LRP1B: variants seen among roughly 807,000 people sequenced by gnomAD.
LRP1B encodes LDL receptor related protein 1B.
Under a neutral mutation model 556.6 loss-of-function variants are expected in LRP1B, and 217 were observed. The ratio of observed to expected loss-of-function variants is 0.39; its 90% CI spans 0.35 to 0.44. LRP1B has a LOEUF of 0.44. LRP1B is among the 20% of genes least tolerant of loss of function. The pLI is 1.00. For missense variants in LRP1B, 5,053 were observed against 5,620.8 expected, an observed-to-expected ratio of 0.90 and a Z score of 3.23; for synonymous variants, 2,047 against 1,865.8, an observed-to-expected ratio of 1.10 and a Z score of -2.50.
At chr2:141,925,124 T>C (rs1700298622) in intron 1 of LRP1B, among the ~76,000 whole-genome samples, 1 of 152,210 alleles carries the variant, frequency 6.6e-6, no homozygotes, top group African/African-American at 2.4e-5. Flanking sequence ...GGTTATTCCA[T>C]GTGATAGTCT....
At chr2:140,249,651 C>T (rs1022039804) in intron 86 of LRP1B, among the ~76,000 whole-genome samples, 1 of 151,610 alleles carries the variant, frequency 6.6e-6, no homozygotes, top group African/African-American at 2.4e-5. Flanking sequence ...GTTTTATGGC[C>T]AAAGATAAAA....
intron 3 of LRP1B, among the ~76,000 whole-genome samples, chr2:141,462,821 T>TATTG (rs1553517990): frequency 6.6e-6 from 1 of 151,922 alleles, no homozygotes; most frequent in Admixed American, 6.6e-5. Flanking sequence ...CAATAAAATA[T>TATTG]TTTAATTGAA....
chr2:142,027,051 C>T (rs1703531384), intron 1 of LRP1B, among the ~76,000 whole-genome samples: 1 of 151,892 alleles, frequency 6.6e-6, no homozygotes, highest in Admixed American at 6.6e-5. Flanking sequence ...GTAATTCAAC[C>T]AGATTGTGAA....
chr2:142,116,875 C>G (rs1381566352), intron 1 of LRP1B, among the ~76,000 whole-genome samples: 1 of 152,076 alleles, frequency 6.6e-6, no homozygotes, highest in Non-Finnish European at 1.5e-5. Context: ...CACAGCTTCC[C>G]AAGGAACAGA....
chr2:141,283,476 A>G (rs1313305337), intron 3 of LRP1B, among the ~76,000 whole-genome samples: 1 of 152,076 alleles, frequency 6.6e-6, no homozygotes, highest in Non-Finnish European at 1.5e-5. Flanking sequence ...CTCATAAACT[A>G]TGTTAAGGAG....
intron 3 of LRP1B, among the ~76,000 whole-genome samples, chr2:141,420,939 G>C (rs1241180326): frequency 1.3e-5 from 2 of 152,150 alleles, no homozygotes; most frequent in Admixed American, 6.5e-5. Flanking sequence ...TAGTAAATTG[G>C]AGTGTTCTAC....
At position 141,263,990 on chromosome 2, in the gene LRP1B, C is replaced by T. The variant is rs570334142; in HGVS notation, c.344-9349G>A. ...AGTAATAGAGGGGAATTTCTTCAAC[C>T]TAATGAATGATTTTGCCCTTGAAAC... is the stretch of plus-strand genomic sequence containing the variant. On this transcript the variant is annotated intron_variant, in intron 3 of 90. Coordinates refer to ENST00000389484, the MANE Select transcript of LRP1B (RefSeq NM_018557.3). 2.0e-5 allele frequency among the ~76,000 whole-genome samples: 3 copies of T among 152,210 alleles called. No homozygotes were observed. The South Asian group carries it at 6.2e-4, about 32-fold the overall frequency.
chr2:141,644,728 A>G (rs957689759), intron 2 of LRP1B, among the ~76,000 whole-genome samples: 5 of 60,436 alleles, frequency 8.3e-5, no homozygotes. Context: ...GCAGTCATTG[A>G]TCACACACAC....
chr2:141,777,475 G>A (rs1176864257), intron 2 of LRP1B, among the ~76,000 whole-genome samples: 1 of 151,952 alleles, frequency 6.6e-6, no homozygotes, highest in African/African-American at 2.4e-5. Flanking sequence ...GAGTATGGTG[G>A]CGCAGTCTCG....
chr2:141,276,814 G>A (rs1685315757), intron 3 of LRP1B, among the ~76,000 whole-genome samples: 1 of 151,586 alleles, frequency 6.6e-6, no homozygotes, highest in South Asian at 2.1e-4. Flanking sequence ...CCGCCACCAC[G>A]CCCAGCTAAC....
At chr2:141,925,967 C>T (rs1700325283) in intron 1 of LRP1B, among the ~76,000 whole-genome samples, 2 of 152,128 alleles carry the variant, frequency 1.3e-5, no homozygotes, top group Non-Finnish European at 1.5e-5. Context: ...ATGAAAAAAA[C>T]ACAGGGAAAC....
intron 67 of LRP1B, among the ~76,000 whole-genome samples, chr2:140,380,463 G>C (rs941557615): frequency 7.2e-5 from 11 of 152,028 alleles, no homozygotes; most frequent in African/African-American, 2.7e-4. Context: ...CGCCCTCCTG[G>C]TTGCAGACAC....
intron 2 of LRP1B, among the ~76,000 whole-genome samples, chr2:141,708,716 G>A (rs1287009823): frequency 6.6e-6 from 1 of 152,030 alleles, no homozygotes; most frequent in Non-Finnish European, 1.5e-5. Flanking sequence ...TTGGACATAG[G>A]GTCTTTAAAG....
chr2:140,314,151 C>T (rs1009156283), intron 83 of LRP1B, among the ~76,000 whole-genome samples: 1 of 151,880 alleles, frequency 6.6e-6, no homozygotes, highest in Non-Finnish European at 1.5e-5. Context: ...ATAGAATTTT[C>T]CATTTGACTA....
chr2:141,651,440 G>T (rs914944737), intron 2 of LRP1B, among the ~76,000 whole-genome samples: 1 of 152,180 alleles, frequency 6.6e-6, no homozygotes, highest in Non-Finnish European at 1.5e-5. Context: ...GAGGCAGGCA[G>T]ATCACTTGAG....
At chr2:142,000,954 C>A (rs1465857944) in intron 1 of LRP1B, among the ~76,000 whole-genome samples, 2 of 152,070 alleles carry the variant, frequency 1.3e-5, no homozygotes, top group Non-Finnish European at 2.9e-5. Context: ...GGGAGGGACC[C>A]AGTGAAAAAT....
chr2:140,406,742 A>G (rs537614172), intron 66 of LRP1B, among the ~76,000 whole-genome samples: 6 of 152,188 alleles, frequency 3.9e-5, no homozygotes, highest in Non-Finnish European at 8.8e-5. Context: ...GGAAAGAATG[A>G]ATGTTGTGAA....
intron 3 of LRP1B, among the ~76,000 whole-genome samples, chr2:141,361,265 CATGA>C (rs1688817627): frequency 6.6e-6 from 1 of 152,136 alleles, no homozygotes; most frequent in African/African-American, 2.4e-5. Context: ...TTCCCATATT[CATGA>C]ATCTTATCTT....
At position 141,617,408 on chromosome 2, in the gene LRP1B, T is replaced by C. The variant is rs982920941; in HGVS notation, c.206-136875A>G. 2.0e-5 allele frequency among the ~76,000 whole-genome samples: 3 copies of C among 152,288 alleles called. No homozygotes were observed. In the Middle Eastern group the frequency reaches 0.01, roughly 518 times the overall value. On this transcript the variant is annotated intron_variant, in intron 2 of 90. Coordinates refer to ENST00000389484, the MANE Select transcript of LRP1B (RefSeq NM_018557.3). The stretch of plus-strand genomic sequence containing the variant: ...TTCTACGGGTACAATTTCAGGGGTC[T>C]ACTTTAATATGGTGAGGTATCATTG...
Sources: allele counts gnomAD v4.1 joint callset (sites outside exome capture counted in the v4.1 genomes callset), GRCh38; gene constraint gnomAD v4.1.1; transcripts MANE v1.5; gene names NCBI Gene and HGNC (gene_info 2026-07-23, HGNC 2026-07-21).